The following FAM193A variants were observed in gnomAD, a reference collection of about 807,000 sequenced individuals.
FAM193A encodes family with sequence similarity 193 member A, also known as protein FAM193A.
FAM193A carries 22 observed loss-of-function variants against 126.5 expected under a neutral mutation model. The observed-to-expected ratio is 0.17, with a 90% CI of 0.12 to 0.25. The LOEUF (loss-of-function observed/expected upper bound fraction) is 0.25, where lower values mean the gene tolerates loss of function less well. Among genes scored for constraint, FAM193A ranks in the 10% least tolerant of loss-of-function variants. The pLI is 1.00. For synonymous variants in FAM193A, 761 were observed against 646.8 expected (o/e 1.18, Z -2.68); for missense variants, 1,675 against 1,672.8 (o/e 1.00, Z -0.02).
rs1199295541 is a variant in FAM193A at position 2,625,363 on chromosome 4, C to T, written c.603C>T (p.Thr201=). 24 of 702,726 alleles carry T rather than the reference C, an allele frequency of 3.4e-5. No homozygotes were observed. The highest frequency in any genetic ancestry group is 6.0e-5 in the Non-Finnish European group (23 of 384,878). The allele number at this position is 702,726 out of a possible 1,614,324, so 43.5% of individuals were successfully genotyped here. A position where few individuals can be genotyped will look rare whatever the true frequency, so the allele number is the denominator to read the frequency against. Residue 201 remains threonine (T), a synonymous_variant, in exon 3 of 21, where the codon ACC becomes ACT. Coordinates refer to ENST00000637812, the MANE Select transcript of FAM193A (RefSeq NM_001366318.2). ...ALGAQTLPSD[T]ACSCEACSER... ...GTGCACAGACGCTGCCTTCAGACAC[C>T]GCATGCTCGTGCGAGGCCTGCAGTG...
Position 2,732,363 on chromosome 4 carries a change from C to CT in FAM193A, c.*495_*496insT, listed in dbSNP as rs541842935. On this transcript the variant is annotated 3_prime_UTR_variant, in exon 21 of 21. Coordinates refer to ENST00000637812, the MANE Select transcript of FAM193A (RefSeq NM_001366318.2). ...ACACGTTGCGCTGTTTGTGTTTGAT[C>CT]CCCCTGACTTGTAGCCAGCTTGTGT... The CT allele has an allele frequency of 3.6e-4, 62 of 171,846 alleles. No homozygotes were observed. The highest frequency in any genetic ancestry group is 1.3e-3 in the African/African-American group (54 of 41,596). 10.6% of individuals were successfully genotyped at this position (171,846 alleles called of 1,614,324 possible).
In FAM193A at chr4:2,659,796, C is replaced by CT; in HGVS notation, c.1503-14dup. ...TGCATTGGTTGGCTTGGTAACTGTC[C>CT]TTAATTCCTGATCAGATGTGCTTGC... On this transcript the variant is annotated splice_polypyrimidine_tract_variant and intron_variant, in intron 9 of 20. Transcript: ENST00000637812. 1 of 1,614,098 alleles carries CT rather than the reference C, an allele frequency of 6.2e-7. No homozygotes were observed.
intron 19 of FAM193A, chr4:2,715,453 A>G: frequency 1.0e-6 from 1 of 980,206 alleles, no homozygotes. Flanking sequence ...CATATAAAAA[A>G]AAGAAAAAAG....
chr4:2,664,558 C>CTTTTT lies in FAM193A; in HGVS notation c.2079+1292_2079+1296dup, dbSNP rs33958851. Among the ~76,000 whole-genome samples, 432 of 73,110 alleles carry CTTTTT rather than the reference C, an allele frequency of 5.9e-3. 10 individuals are homozygous for CTTTTT. Among genetic ancestry groups the CTTTTT allele is most frequent in the Non-Finnish European group, 7.3e-3 (280 of 38,284 alleles). The allele number at this position is 73,110 out of a possible 152,430, so 48.0% of individuals were successfully genotyped here. On this transcript the variant is annotated intron_variant, in intron 12 of 20. Transcript: ENST00000637812. ...ACCTTTCTCTCTCTCTATTTTCTTT[C>CTTTTT]TTTTTTTTTTTTTTTTTTTTTTTTT... is the stretch of plus-strand genomic sequence containing the variant.
intron 19 of FAM193A, among the ~76,000 whole-genome samples, chr4:2,711,204 T>C (rs368064990): frequency 1.1e-4 from 17 of 152,134 alleles, no homozygotes; most frequent in African/African-American, 3.9e-4. Flanking sequence ...CTTTTTAATT[T>C]AGAAATTCAG....
chr4:2,678,325 T>G (rs150058917), intron 13 of FAM193A, among the ~76,000 whole-genome samples: 50 of 151,776 alleles, frequency 3.3e-4, no homozygotes, highest in Non-Finnish European at 6.2e-4. Flanking sequence ...ACTTCTTTGG[T>G]TAATTCCCGT....
intron 7 of FAM193A, among the ~76,000 whole-genome samples, chr4:2,647,101 T>C (rs1471075901): frequency 6.6e-6 from 1 of 152,182 alleles, no homozygotes; most frequent in Non-Finnish European, 1.5e-5. Flanking sequence ...GCACACCTGC[T>C]GTCACTCACA....
At chr4:2,693,503 C>A in intron 15 of FAM193A, 83 bp from the exon 16 acceptor site, 1 of 1,342,320 alleles carries the variant, frequency 7.4e-7, no homozygotes, top group Non-Finnish European at 1.0e-6. Context: ...AATGGGTACT[C>A]TTTGTGTGTT....
At position 2,587,948 on chromosome 4, in the gene FAM193A, A is replaced by G. The variant is rs181386099; in HGVS notation, c.256-8136A>G. Among the ~76,000 whole-genome samples the G allele has an allele frequency of 2.6e-5, 4 of 152,282 alleles. No individual in the cohort carries two copies. The East Asian group carries it at 7.7e-4, about 29-fold the overall frequency. Reference sequence around the variant, plus strand: ...CAGAATCAGTGGTCCTCAAGTGGCGACAGGGTGGGGTCTGGTTGTGAAGAG... The same window carrying G: ...CAGAATCAGTGGTCCTCAAGTGGCGGCAGGGTGGGGTCTGGTTGTGAAGAG... On this transcript the variant is annotated intron_variant, in intron 1 of 20. Coordinates refer to ENST00000637812, the MANE Select transcript of FAM193A (RefSeq NM_001366318.2).
intron 1 of FAM193A, among the ~76,000 whole-genome samples, chr4:2,538,783 A>G (rs576369920): frequency 1.3e-5 from 2 of 152,246 alleles, no homozygotes; most frequent in East Asian, 3.9e-4. Context: ...TTCAATAAAA[A>G]CCAGTTGGTG....
At chr4:2,553,994 T>C (rs915786844) in intron 1 of FAM193A, among the ~76,000 whole-genome samples, 10 of 152,060 alleles carry the variant, frequency 6.6e-5, no homozygotes, top group African/African-American at 2.4e-4. Flanking sequence ...CTTTTTAAAC[T>C]TTTTTTTCCC....
chr4:2,725,793 C>T (rs1426614191), intron 20 of FAM193A, among the ~76,000 whole-genome samples: 1 of 151,848 alleles, frequency 6.6e-6, no homozygotes, highest in Non-Finnish European at 1.5e-5. Context: ...CTCACTGGAC[C>T]CTTGACCTCC....
chr4:2,724,397 C>T (rs1205954411), intron 20 of FAM193A, among the ~76,000 whole-genome samples: 1 of 152,148 alleles, frequency 6.6e-6, no homozygotes, highest in African/African-American at 2.4e-5. Context: ...TATAACCTTC[C>T]TTACCAAAAC....
intron 1 of FAM193A, among the ~76,000 whole-genome samples, chr4:2,574,006 CA>C (rs1178071939): frequency 6.6e-6 from 1 of 152,094 alleles, no homozygotes; most frequent in Non-Finnish European, 1.5e-5. Flanking sequence ...GCTCAGGGGA[CA>C]AATATGAAAG....
rs1008536446 is a variant in FAM193A at position 2,593,938 on chromosome 4, A to G, written c.256-2146A>G. Among the ~76,000 whole-genome samples, 12 of 149,312 alleles carry G rather than the reference A, an allele frequency of 8.0e-5. No individual in the cohort carries two copies. The South Asian group carries it at 2.6e-3, about 32-fold the overall frequency. Reference sequence around the variant, plus strand: ...GGTATGGAAAAATACATGGATTCTCATGGTACTCGGTGGTTTGAGTAGTCT... The same window carrying G: ...GGTATGGAAAAATACATGGATTCTCGTGGTACTCGGTGGTTTGAGTAGTCT... On this transcript the variant is annotated intron_variant, in intron 1 of 20. Transcript: ENST00000637812.
intron 1 of FAM193A, among the ~76,000 whole-genome samples, chr4:2,548,093 A>G (rs1437904910): frequency 6.0e-5 from 8 of 132,384 alleles, no homozygotes; most frequent in Non-Finnish European, 1.1e-4. Context: ...TTTTTTTGAG[A>G]CAAAGTCTTG....
At chr4:2,559,045 A>G (rs1407138513) in intron 1 of FAM193A, among the ~76,000 whole-genome samples, 3 of 152,160 alleles carry the variant, frequency 2.0e-5, no homozygotes, top group Non-Finnish European at 2.9e-5. Flanking sequence ...GGCTATAGCT[A>G]TTGTTAATAT....
intron 20 of FAM193A, among the ~76,000 whole-genome samples, chr4:2,725,934 T>C (rs1205703501): frequency 6.6e-6 from 1 of 151,964 alleles, no homozygotes; most frequent in Non-Finnish European, 1.5e-5. Flanking sequence ...AGTCTCGCTC[T>C]GGCGCCCAGG....
chr4:2,542,534 C>T (rs1054984819), intron 1 of FAM193A, among the ~76,000 whole-genome samples: 5 of 152,198 alleles, frequency 3.3e-5, no homozygotes, highest in African/African-American at 1.2e-4. Flanking sequence ...TTTATGGTAA[C>T]TGGGGTAAAA....
Sources: gnomAD v4.1 joint callset for allele counts (sites outside exome capture counted in the v4.1 genomes callset) on GRCh38, gnomAD v4.1.1 for gene constraint, MANE v1.5 for transcripts, NCBI Gene and HGNC (gene_info 2026-07-23, HGNC 2026-07-21) for gene names.